Variants in TMEM232 observed in about 807,000 individuals in gnomAD.
TMEM232 encodes the protein transmembrane protein 232.
A neutral mutation model predicts 78.8 loss-of-function variants in TMEM232; 80 were observed. The observed-to-expected ratio is 1.01, with a 90% CI of 0.85 to 1.22. The LOEUF (loss-of-function observed/expected upper bound fraction) is 1.22. TMEM232 is among the 50% of genes most tolerant of loss of function. TMEM232 has a pLI of 0.00. For synonymous variants in TMEM232, 297 were observed against 254.3 expected, an observed-to-expected ratio of 1.17 and a Z score of -1.60; for missense variants, 881 against 742.2, an observed-to-expected ratio of 1.19 and a Z score of -2.17.
At chr5:110,557,509 G>C (rs1775236363) in intron 11 of TMEM232, among the ~76,000 whole-genome samples, 1 of 152,186 alleles carries the variant, frequency 6.6e-6, no homozygotes, top group African/African-American at 2.4e-5. Context: ...ATAAGGAAAA[G>C]AGGTTCAATG....
intron 10 of TMEM232, among the ~76,000 whole-genome samples, chr5:110,591,573 C>T (rs1049014302): frequency 6.6e-6 from 1 of 152,136 alleles, no homozygotes; most frequent in African/African-American, 2.4e-5. Flanking sequence ...CTTTACCATG[C>T]ACTAGGTAAT....
At chr5:110,484,955 A>C (rs1452832891) in intron 12 of TMEM232, among the ~76,000 whole-genome samples, 1 of 151,836 alleles carries the variant, frequency 6.6e-6, no homozygotes, top group Non-Finnish European at 1.5e-5. Context: ...CTGCAAGAAT[A>C]GCCTTAATAA....
intron 1 of TMEM232, among the ~76,000 whole-genome samples, chr5:110,737,573 G>A (rs1413612261): frequency 6.6e-6 from 1 of 152,036 alleles, no homozygotes; most frequent in African/African-American, 2.4e-5. Flanking sequence ...ACCTTAATAC[G>A]TGAAAGATAA....
At position 110,424,691 on chromosome 5, in the gene TMEM232, T is replaced by A. The variant is rs1307321030; in HGVS notation, c.1797+132A>T. 3 of 725,704 alleles carry A rather than the reference T, an allele frequency of 4.1e-6. No homozygotes were observed. The African/African-American group carries it at 5.4e-5, about 13-fold the overall frequency. 45.0% of individuals were successfully genotyped at this position (725,704 alleles called of 1,614,324 possible). A position where few individuals can be genotyped will look rare whatever the true frequency, so the allele number is the denominator to read the frequency against. ...ATAACATAGTGAGATATAATTCAGT[T>A]TGGCAAACCAATCATGGCTCTACTT... On this transcript the variant is annotated intron_variant, in intron 13 of 13. Transcript: ENST00000455884.
chr5:110,637,692 T>C (rs1283454470), intron 5 of TMEM232, among the ~76,000 whole-genome samples: 1 of 151,992 alleles, frequency 6.6e-6, no homozygotes, highest in African/African-American at 2.4e-5. Flanking sequence ...TTTACAGCAG[T>C]CAACCATGAT....
At chr5:110,420,901 C>T in intron 13 of TMEM232, 145 bp from the exon 14 acceptor site, 1 of 1,065,772 alleles carries the variant, frequency 9.4e-7, no homozygotes, top group Non-Finnish European at 1.3e-6. Flanking sequence ...ATCTACCACA[C>T]TGGCAAAACA....
chr5:110,712,386 C>A (rs560601720), intron 1 of TMEM232, among the ~76,000 whole-genome samples: 10 of 152,010 alleles, frequency 6.6e-5, no homozygotes, highest in Admixed American at 1.3e-4. Context: ...GGAGCTCAAA[C>A]AACTCTATAG....
At chr5:110,738,311 A>C (rs1485725519), upstream of TMEM232, 1 of 1,204,320 alleles carries the variant, frequency 8.3e-7, no homozygotes, top group African/African-American at 1.6e-5. Flanking sequence ...ATTTTGAACG[A>C]TATAACTGGG....
chr5:110,472,320 T>C (rs1223527394), intron 12 of TMEM232, among the ~76,000 whole-genome samples: 1 of 151,850 alleles, frequency 6.6e-6, no homozygotes. Flanking sequence ...TAAGATACCT[T>C]GGAATAAATT....
chr5:110,618,685 C>T (rs1783246566), intron 7 of TMEM232, 123 bp from the exon 8 acceptor site: 7 of 1,038,322 alleles, frequency 6.7e-6, no homozygotes, highest in Non-Finnish European at 9.4e-6. Context: ...TTCTCTTACA[C>T]TTTATATTTC....
chr5:110,488,870 GAAACATTACTACTA>G (rs1222757678), intron 12 of TMEM232, among the ~76,000 whole-genome samples: 1 of 151,666 alleles, frequency 6.6e-6, no homozygotes, highest in African/African-American at 2.4e-5. Context: ...AATGAAAGAG[GAAACATTACTACTA>G]ACTTGCATAA....
chr5:110,716,732 CCT>C (rs1446211602), intron 1 of TMEM232, among the ~76,000 whole-genome samples: 2 of 152,218 alleles, frequency 1.3e-5, no homozygotes, highest in Non-Finnish European at 2.9e-5. Context: ...TATGGGGATC[CCT>C]GTTTTACAGA....
At chr5:110,429,616 G>A (rs1757608248) in intron 12 of TMEM232, among the ~76,000 whole-genome samples, 1 of 151,584 alleles carries the variant, frequency 6.6e-6, no homozygotes, top group African/African-American at 2.4e-5. Context: ...TTTATCTCAG[G>A]AAAACTAAAA....
At chr5:110,705,708 G>GTATATATA (rs60017669) in intron 1 of TMEM232, among the ~76,000 whole-genome samples, 1 of 107,910 alleles carries the variant, frequency 9.3e-6, no homozygotes, top group Non-Finnish European at 1.9e-5. Flanking sequence ...ATATGTGTGT[G>GTATATATA]TATATATATA....
chr5:110,498,885 C>A lies in TMEM232; in HGVS notation c.1703+29703G>T, dbSNP rs528458708. 1.8e-4 allele frequency among the ~76,000 whole-genome samples: 28 copies of A among 152,242 alleles called. No homozygotes were observed. In the South Asian group the frequency reaches 5.6e-3, roughly 30 times the overall value. ...AATAAAAGCTCTGTAAGTTCAAGAT[C>A]AGCCAAAAATTAAATTGCTAGCTAT... On this transcript the variant is annotated intron_variant, in intron 12 of 13. Transcript: ENST00000455884.
intron 12 of TMEM232, among the ~76,000 whole-genome samples, chr5:110,440,938 A>G (rs768777134): frequency 6.6e-6 from 1 of 152,148 alleles, no homozygotes; most frequent in Non-Finnish European, 1.5e-5. Flanking sequence ...GCTTGCCTCC[A>G]TCTGATGACC....
intron 5 of TMEM232, among the ~76,000 whole-genome samples, chr5:110,633,964 C>T (rs1050923523): frequency 1.3e-5 from 2 of 152,066 alleles, no homozygotes; most frequent in Non-Finnish European, 1.5e-5. Flanking sequence ...ATGCACCTTA[C>T]CTGTAAAGAC....
At chr5:110,449,948 T>C (rs1361635099) in intron 12 of TMEM232, among the ~76,000 whole-genome samples, 1 of 152,166 alleles carries the variant, frequency 6.6e-6, no homozygotes. Flanking sequence ...TCAGATCTCA[T>C]GTTAAATTGT....
intron 12 of TMEM232, among the ~76,000 whole-genome samples, chr5:110,517,308 AC>A (rs1467444148): frequency 1.3e-5 from 2 of 152,206 alleles, no homozygotes; most frequent in African/African-American, 4.8e-5. Context: ...TAGCTATGGA[AC>A]TTTTCTTTAG....
Sources: allele counts gnomAD v4.1 joint callset (sites outside exome capture counted in the v4.1 genomes callset), GRCh38; gene constraint gnomAD v4.1.1; transcripts MANE v1.5; gene names NCBI Gene and HGNC (gene_info 2026-07-23, HGNC 2026-07-21).